Variants in GMDS observed in about 807,000 individuals in gnomAD.
GMDS encodes GDP-mannose 4,6-dehydratase, also known as GDP-mannose 4,6 dehydratase.
GMDS carries 20 observed loss-of-function variants against 49.9 expected under a neutral mutation model. The observed-to-expected ratio is 0.40, with a 90% CI of 0.28 to 0.58. GMDS has a LOEUF of 0.58. Among genes scored for constraint, GMDS ranks in the 20% least tolerant of loss-of-function variants. The pLI, the probability that GMDS is intolerant of heterozygous loss-of-function variation, is 0.42. For synonymous variants in GMDS, 177 were observed against 178.6 expected (o/e 0.99, Z 0.07); for missense variants, 362 against 481.4 (o/e 0.75, Z 2.32).
chr6:1,997,183 G>C (rs1010231835), intron 4 of GMDS, among the ~76,000 whole-genome samples: 1 of 152,014 alleles, frequency 6.6e-6, no homozygotes, highest in African/African-American at 2.4e-5. Context: ...CCTGAGGAAG[G>C]AATAGGTCTC....
At chr6:2,174,760 G>A (rs1778191425) in intron 1 of GMDS, among the ~76,000 whole-genome samples, 1 of 152,010 alleles carries the variant, frequency 6.6e-6, no homozygotes, top group African/African-American at 2.4e-5. Flanking sequence ...GTAGAGACGG[G>A]ATTGCACCAT....
At chr6:2,052,135 AAAAAAAAAC>A in intron 4 of GMDS, among the ~76,000 whole-genome samples, 1 of 149,742 alleles carries the variant, frequency 6.7e-6, no homozygotes, top group African/African-American at 2.5e-5. Context: ...AAAAAAGAAA[AAAAAAAAAC>A]AGAAAAGAAA....
intron 2 of GMDS, among the ~76,000 whole-genome samples, chr6:2,121,168 C>CT (rs1388966209): frequency 8.5e-5 from 13 of 152,182 alleles, no homozygotes; most frequent in Admixed American, 1.3e-4. Flanking sequence ...CCTGAGGCTC[C>CT]TTTGCCACAG....
At chr6:1,637,220 A>G (rs1157850875) in intron 9 of GMDS, among the ~76,000 whole-genome samples, 1 of 152,154 alleles carries the variant, frequency 6.6e-6, no homozygotes, top group Non-Finnish European at 1.5e-5. Context: ...AAGGGTGGAG[A>G]GGCCTCCCTT....
At chr6:1,678,653 C>T (rs1007261148) in intron 9 of GMDS, among the ~76,000 whole-genome samples, 5 of 151,900 alleles carry the variant, frequency 3.3e-5, no homozygotes, top group African/African-American at 1.2e-4. Flanking sequence ...GGGACAGTGG[C>T]AAAAACCAGA....
At chr6:1,679,912 C>T (rs1488346803) in intron 9 of GMDS, 1 of 151,634 alleles carries the variant, frequency 6.6e-6, no homozygotes, top group Admixed American at 6.6e-5. Flanking sequence ...TACCTTTGAA[C>T]AATTAATTGG....
chr6:2,153,007 T>C (rs1776914907), intron 1 of GMDS, among the ~76,000 whole-genome samples: 2 of 152,010 alleles, frequency 1.3e-5, no homozygotes, highest in East Asian at 1.9e-4. Context: ...TTGAACCCAG[T>C]AGGCGGAAGT....
chr6:1,998,835 C>G (rs1213954349), intron 4 of GMDS, among the ~76,000 whole-genome samples: 1 of 151,210 alleles, frequency 6.6e-6, no homozygotes, highest in African/African-American at 2.4e-5. Context: ...CCATGGATGC[C>G]AAGGGACAGC....
At chr6:2,105,515 G>A (rs1774192747) in intron 4 of GMDS, among the ~76,000 whole-genome samples, 1 of 152,102 alleles carries the variant, frequency 6.6e-6, no homozygotes, top group African/African-American at 2.4e-5. Context: ...AGCCATATGG[G>A]AATGTTACAA....
chr6:2,024,109 T>C (rs1462005432), intron 4 of GMDS, among the ~76,000 whole-genome samples: 2 of 152,044 alleles, frequency 1.3e-5, no homozygotes, highest in African/African-American at 4.8e-5. Flanking sequence ...AGAGTAACAA[T>C]TACACCAATA....
Position 1,900,849 on chromosome 6 carries a change from A to C in GMDS, c.771+29254T>G, listed in dbSNP as rs562317330. ...TAGTCTAAAATGTTATACTTTGAAA[A>C]TGTATGTTCCCTTAACTGCAAAAAA... On this transcript the variant is annotated intron_variant, in intron 7 of 10. Transcript: ENST00000380815. Among the ~76,000 whole-genome samples the C allele has an allele frequency of 7.2e-5, 11 of 152,304 alleles. No homozygotes were observed. In the South Asian group the frequency reaches 2.3e-3, roughly 32 times the overall value.
At chr6:1,924,939 C>A (rs9501785) in intron 7 of GMDS, among the ~76,000 whole-genome samples, 1 of 143,496 alleles carries the variant, frequency 7.0e-6, no homozygotes, top group Non-Finnish European at 1.5e-5. Context: ...GCCCGGGCGA[C>A]GGCGAGACTC....
At chr6:1,670,369 G>GTT (rs1561715147) in intron 9 of GMDS, among the ~76,000 whole-genome samples, 1 of 140,794 alleles carries the variant, frequency 7.1e-6, no homozygotes. Flanking sequence ...GGTTTTTTTT[G>GTT]GTTTTTTTTT....
At chr6:1,829,889 T>C (rs1416215793) in intron 7 of GMDS, among the ~76,000 whole-genome samples, 2 of 152,226 alleles carry the variant, frequency 1.3e-5, no homozygotes, top group Non-Finnish European at 2.9e-5. Context: ...CTGTGTGCTA[T>C]GTTCTTGGAA....
chr6:2,010,844 A>G (rs1375102558), intron 4 of GMDS, among the ~76,000 whole-genome samples: 1 of 152,204 alleles, frequency 6.6e-6, no homozygotes, highest in East Asian at 1.9e-4. Context: ...ACAATAGAAC[A>G]AAGACCAAAT....
chr6:2,223,945 C>A (rs954114490), intron 1 of GMDS, among the ~76,000 whole-genome samples: 3 of 152,122 alleles, frequency 2.0e-5, no homozygotes, highest in African/African-American at 7.2e-5. Context: ...TGTTAAGACA[C>A]ACTAACCTGC....
intron 4 of GMDS, among the ~76,000 whole-genome samples, chr6:1,963,591 T>C (rs924243597): frequency 6.6e-6 from 1 of 152,366 alleles, no homozygotes; most frequent in South Asian, 2.1e-4. Context: ...ACTTCATTTT[T>C]TGCAGATGGA....
intron 9 of GMDS, among the ~76,000 whole-genome samples, chr6:1,675,181 C>T (rs1373091082): frequency 6.6e-6 from 1 of 152,144 alleles, no homozygotes; most frequent in Non-Finnish European, 1.5e-5. Context: ...AGGTGATCTG[C>T]CTGCCTCGGC....
At chr6:1,659,435 T>C (rs1015951442) in intron 9 of GMDS, among the ~76,000 whole-genome samples, 1 of 152,078 alleles carries the variant, frequency 6.6e-6, no homozygotes, top group Admixed American at 6.5e-5. Flanking sequence ...CTGTCTCACA[T>C]GCATTCCATC....
Sources: gnomAD v4.1 joint callset for allele counts (sites outside exome capture counted in the v4.1 genomes callset) on GRCh38, gnomAD v4.1.1 for gene constraint, MANE v1.5 for transcripts, NCBI Gene and HGNC (gene_info 2026-07-23, HGNC 2026-07-21) for gene names.